The following GRIK1 variants were observed in gnomAD, a reference collection of about 807,000 sequenced individuals.
GRIK1 encodes glutamate receptor ionotropic, kainate 1.
GRIK1 carries 69 observed loss-of-function variants against 105.7 expected under a neutral mutation model. That is an observed-to-expected ratio of 0.65 (90% CI 0.54 to 0.80). The LOEUF (loss-of-function observed/expected upper bound fraction) is 0.80, where lower values mean the gene tolerates loss of function less well. GRIK1 is among the 30% of genes least tolerant of loss of function. GRIK1 has a pLI of 0.00. For synonymous variants in GRIK1, 438 were observed against 431.3 expected (o/e 1.02, Z -0.19); for missense variants, 1,109 against 1,167.3 (o/e 0.95, Z 0.73).
intron 1 of GRIK1, among the ~76,000 whole-genome samples, chr21:29,719,081 C>CGTAT (rs1555877735): frequency 7.0e-6 from 1 of 143,320 alleles, no homozygotes; most frequent in Non-Finnish European, 1.5e-5. Context: ...TGTGTATATA[C>CGTAT]ATATATATAT....
intron 1 of GRIK1, among the ~76,000 whole-genome samples, chr21:29,781,235 CT>C (rs1601678370): frequency 1.3e-5 from 2 of 152,130 alleles, no homozygotes; most frequent in African/African-American, 4.8e-5. Flanking sequence ...CTTTATACTT[CT>C]TTGCAACATG....
intron 1 of GRIK1, among the ~76,000 whole-genome samples, chr21:29,823,334 T>C (rs915654602): frequency 2.6e-5 from 4 of 151,908 alleles, no homozygotes; most frequent in African/African-American, 7.2e-5. Context: ...AGAGTAAAGA[T>C]AGTATGAGGG....
chr21:29,798,079 A>T (rs991165747), intron 1 of GRIK1, among the ~76,000 whole-genome samples: 1 of 152,238 alleles, frequency 6.6e-6, no homozygotes, highest in Non-Finnish European at 1.5e-5. Flanking sequence ...CATCTACTCA[A>T]CATGATGAGT....
At chr21:29,540,726 A>G (rs1230779048) in intron 16 of GRIK1, among the ~76,000 whole-genome samples, 1 of 152,216 alleles carries the variant, frequency 6.6e-6, no homozygotes, top group African/African-American at 2.4e-5. Context: ...TCACAGAGCC[A>G]TAGAAACATT....
chr21:29,583,535 G>A (rs1205247075), intron 12 of GRIK1, among the ~76,000 whole-genome samples: 1 of 152,060 alleles, frequency 6.6e-6, no homozygotes, highest in Non-Finnish European at 1.5e-5. Context: ...TGCTCCCATC[G>A]ATGAGCTCAT....
intron 1 of GRIK1, among the ~76,000 whole-genome samples, chr21:29,728,237 T>C (rs536053835): frequency 1.3e-5 from 2 of 152,174 alleles, no homozygotes; most frequent in Non-Finnish European, 2.9e-5. Flanking sequence ...ACTATTGTAA[T>C]AGCATCCACA....
At chr21:29,812,834 C>T (rs753958627) in intron 1 of GRIK1, among the ~76,000 whole-genome samples, 11 of 152,144 alleles carry the variant, frequency 7.2e-5, no homozygotes, top group African/African-American at 1.4e-4. Context: ...ATTTTCCAAA[C>T]GCAAGAAACC....
At chr21:29,927,409 G>A (rs2071408682) in intron 1 of GRIK1, among the ~76,000 whole-genome samples, 1 of 150,252 alleles carries the variant, frequency 6.7e-6, no homozygotes. Context: ...TGTATACTAT[G>A]TAGTATATGT....
intron 1 of GRIK1, among the ~76,000 whole-genome samples, chr21:29,842,372 G>A (rs1046800631): frequency 6.6e-6 from 1 of 152,106 alleles, no homozygotes; most frequent in African/African-American, 2.4e-5. Flanking sequence ...TAGGAACATG[G>A]AGTGAAATTA....
chr21:29,887,960 G>A (rs1486923762), intron 1 of GRIK1, among the ~76,000 whole-genome samples: 1 of 151,812 alleles, frequency 6.6e-6, no homozygotes, highest in African/African-American at 2.4e-5. Context: ...AGGAAAAAGG[G>A]TAGAATAAAT....
At chr21:29,732,804 A>T (rs187770624) in intron 1 of GRIK1, among the ~76,000 whole-genome samples, 4 of 152,152 alleles carry the variant, frequency 2.6e-5, no homozygotes, top group African/African-American at 9.7e-5. Context: ...TTTCCGTGAG[A>T]TTAATATATT....
rs1468088281 is a variant in GRIK1 at position 29,865,731 on chromosome 21, G to A, written c.118+73652C>T. ...ATGTGTGTCCCAATATTAAGTGAAAGATGCATAGTAACTTTGAAACAAATC... is the reference window on the plus strand; with the variant it reads ...ATGTGTGTCCCAATATTAAGTGAAAAATGCATAGTAACTTTGAAACAAATC... On this transcript the variant is annotated intron_variant, in intron 1 of 17. Transcript: ENST00000327783. Among the ~76,000 whole-genome samples, 5 of 152,208 alleles carry A rather than the reference G, an allele frequency of 3.3e-5. No individual in the cohort carries two copies. The South Asian group carries it at 1.0e-3, about 32-fold the overall frequency.
At chr21:29,711,981 C>T (rs2064061087) in intron 1 of GRIK1, among the ~76,000 whole-genome samples, 2 of 151,446 alleles carry the variant, frequency 1.3e-5, no homozygotes, top group South Asian at 4.2e-4. Flanking sequence ...TAGAGAGTTA[C>T]TGATATCAAG....
intron 1 of GRIK1, among the ~76,000 whole-genome samples, chr21:29,743,647 A>T (rs1484065433): frequency 6.6e-6 from 1 of 152,144 alleles, no homozygotes; most frequent in Non-Finnish European, 1.5e-5. Context: ...GTGAGCTGAG[A>T]TGGAGCCACT....
chr21:29,537,252 T>C lies in GRIK1; in HGVS notation c.2828A>G (p.Gln943Arg), dbSNP rs1253897341. ...GGATCACGCCACAGTCTCTTTTCTCTGAGTTCGTCTCTGATGACAAGTAAG... is the reference window on the plus strand; with the variant it reads ...GGATCACGCCACAGTCTCTTTTCTCCGAGTTCGTCTCTGATGACAAGTAAG... ...SILTCHQRRT[Q>R]RKETVA The change falls in exon 18 of 18, where the codon CAG (glutamine) becomes CGG (arginine). Residue 943 changes from glutamine to arginine, a missense_variant. Around this residue, in one of 5 missense-constraint regions of GRIK1, gnomAD observed 161 missense variants for 143.4 expected, o/e 1.12. Coordinates refer to ENST00000327783, the MANE Select transcript of GRIK1 (RefSeq NM_001330994.2). 1.9e-6 allele frequency: 3 copies of C among 1,607,704 alleles called. No homozygotes were observed. The highest frequency in any genetic ancestry group is 2.5e-6 in the Non-Finnish European group (3 of 1,177,654).
intron 1 of GRIK1, among the ~76,000 whole-genome samples, chr21:29,715,850 A>G (rs1236481401): frequency 6.6e-6 from 1 of 152,044 alleles, no homozygotes; most frequent in Non-Finnish European, 1.5e-5. Flanking sequence ...ATGTAGTATT[A>G]TCTTATTATA....
intron 1 of GRIK1, among the ~76,000 whole-genome samples, chr21:29,935,772 T>C (rs1444611832): frequency 1.3e-5 from 2 of 151,346 alleles, no homozygotes; most frequent in Non-Finnish European, 2.9e-5. Context: ...TTACAGAAAT[T>C]AGTGTATTTC....
rs532932013 is a variant in GRIK1 at position 29,835,056 on chromosome 21, G to T, written c.118+104327C>A. ...TTTCTGATCACTAATGCTCCAGGTA[G>T]CAATCCACACATGCTAATGTCCTCT... On this transcript the variant is annotated intron_variant, in intron 1 of 17. Coordinates refer to ENST00000327783, the MANE Select transcript of GRIK1 (RefSeq NM_001330994.2). Among the ~76,000 whole-genome samples the T allele has an allele frequency of 2.6e-5, 4 of 152,174 alleles. No individual in the cohort carries two copies. The South Asian group carries it at 8.3e-4, about 32-fold the overall frequency.
In GRIK1 at chr21:29,560,505, TTC is replaced by T. The variant is rs1568815164; in HGVS notation, c.2356+1117_2356+1118del. Reference sequence around the variant, plus strand: ...TCCCTTTCTTTCTTTCTTTCCTTCCTTCCTTCCTTCCTTCCTTTCTTTCTTTC... The same window carrying T: ...TCCCTTTCTTTCTTTCTTTCCTTCCTCTTCCTTCCTTCCTTTCTTTCTTTC... On this transcript the variant is annotated intron_variant, in intron 15 of 17. Coordinates refer to ENST00000327783, the MANE Select transcript of GRIK1 (RefSeq NM_001330994.2). 3.1e-3 allele frequency among the ~76,000 whole-genome samples: 69 copies of T among 21,934 alleles called. 13 individuals carry two copies. The highest frequency in any genetic ancestry group is 0.011 in the African/African-American group (43 of 4,040). 14.4% of individuals were successfully genotyped at this position (21,934 alleles called of 152,430 possible).
Sources: allele counts gnomAD v4.1 joint callset (sites outside exome capture counted in the v4.1 genomes callset), GRCh38; gene constraint gnomAD v4.1.1; regional missense constraint gnomAD v4.1.1; transcripts MANE v1.5; gene names NCBI Gene and HGNC (gene_info 2026-07-23, HGNC 2026-07-21).